Variants in LOC400499 observed in about 807,000 individuals in gnomAD.
chr16:11,452,136 G>C, the LOC400499 span, among the ~76,000 whole-genome samples: 1 of 150,696 alleles, frequency 6.6e-6, no homozygotes, highest in Non-Finnish European at 1.5e-5. Context: ...TCACTTTATA[G>C]ATCACAGTTG....
chr16:11,445,033 G>T, the LOC400499 span, among the ~76,000 whole-genome samples: 2 of 151,592 alleles, frequency 1.3e-5, no homozygotes, highest in African/African-American at 2.4e-5. Context: ...AGGCTACAGT[G>T]AGCTGAGATT....
At chr16:11,390,533 G>A in the LOC400499 span, 50 of 1,180,880 alleles carry the variant, frequency 4.2e-5, no homozygotes, top group Middle Eastern at 3.2e-4. Context: ...GCCCAGACAC[G>A]CCAGGCCTCG....
At chr16:11,385,739 G>A in the LOC400499 span, among the ~76,000 whole-genome samples, 2 of 152,356 alleles carry the variant, frequency 1.3e-5, no homozygotes, top group South Asian at 4.1e-4. Context: ...AAAATGTCCA[G>A]AGCAGGCACA....
the LOC400499 span, among the ~76,000 whole-genome samples, chr16:11,495,631 C>G: frequency 3.9e-5 from 6 of 152,182 alleles, no homozygotes; most frequent in Non-Finnish European, 5.9e-5. Flanking sequence ...CTGCCCGCCT[C>G]GGTCTCCCAA....
chr16:11,473,956 A>T, the LOC400499 span, among the ~76,000 whole-genome samples: 4 of 152,166 alleles, frequency 2.6e-5, no homozygotes, highest in African/African-American at 7.2e-5. Context: ...CCTGGGCTCA[A>T]GCGGACTTCC....
chr16:11,521,962 A>G, the LOC400499 span: 1 of 399,152 alleles, frequency 2.5e-6, no homozygotes, highest in Non-Finnish European at 4.4e-6. Context: ...CCATAAAGCC[A>G]TCTGGCACAG....
chr16:11,375,732 ATTT>A, the LOC400499 span, among the ~76,000 whole-genome samples: 3 of 130,648 alleles, frequency 2.3e-5, no homozygotes, highest in Non-Finnish European at 3.2e-5. Context: ...TCCTTTGTAC[ATTT>A]TTTTTTTTTT....
the LOC400499 span, among the ~76,000 whole-genome samples, chr16:11,471,100 C>T: frequency 2.3e-3 from 357 of 152,304 alleles, 2 homozygotes; most frequent in African/African-American, 8.2e-3. Flanking sequence ...GGGCAGTCTA[C>T]ACAGAGAAGG....
the LOC400499 span, among the ~76,000 whole-genome samples, chr16:11,422,637 T>C: frequency 6.6e-6 from 1 of 152,152 alleles, no homozygotes; most frequent in South Asian, 2.1e-4. Context: ...GAGCACCTAC[T>C]ACATGTCAGG....
At chr16:11,477,623 G>T in the LOC400499 span, among the ~76,000 whole-genome samples, 1 of 152,188 alleles carries the variant, frequency 6.6e-6, no homozygotes, top group Admixed American at 6.5e-5. Context: ...CATGTGACTG[G>T]ACCTCTCTGA....
At chr16:11,492,838 G>C in the LOC400499 span, among the ~76,000 whole-genome samples, 2 of 152,148 alleles carry the variant, frequency 1.3e-5, no homozygotes, top group Non-Finnish European at 2.9e-5. Context: ...AAATGAAATG[G>C]GGAAACAGGA....
At chr16:11,387,813 G>A in the LOC400499 span, among the ~76,000 whole-genome samples, 2 of 151,998 alleles carry the variant, frequency 1.3e-5, no homozygotes, top group Non-Finnish European at 2.9e-5. Context: ...TAGTAGAGTT[G>A]GAGTTTCACC....
At chr16:11,476,392 A>T in the LOC400499 span, among the ~76,000 whole-genome samples, 3 of 151,770 alleles carry the variant, frequency 2.0e-5, no homozygotes, top group Admixed American at 2.0e-4. Context: ...TCCAGCTCTC[A>T]CCTCTCAGCT....
chr16:11,424,394 T>C, the LOC400499 span: 1 of 399,176 alleles, frequency 2.5e-6, no homozygotes, highest in Non-Finnish European at 4.4e-6. Flanking sequence ...CAGAGACCAC[T>C]CACCCCAGTC....
At chr16:11,448,127 G>A in the LOC400499 span, 1 of 1,503,620 alleles carries the variant, frequency 6.7e-7, no homozygotes, top group Non-Finnish European at 8.8e-7. Context: ...CCAAGCTGCA[G>A]ACCTGCCTTG....
the LOC400499 span, among the ~76,000 whole-genome samples, chr16:11,426,520 C>G: frequency 6.6e-6 from 1 of 151,774 alleles, no homozygotes; most frequent in East Asian, 1.9e-4. Context: ...TGAATGTTTT[C>G]TTTGTAAGAA....
chr16:11,523,494 G>T, the LOC400499 span: 1 of 398,642 alleles, frequency 2.5e-6, no homozygotes, highest in African/African-American at 2.1e-5. Flanking sequence ...AAATCAGATG[G>T]AACCAGGGTG....
the LOC400499 span, among the ~76,000 whole-genome samples, chr16:11,489,585 G>A: frequency 2.0e-5 from 3 of 152,116 alleles, no homozygotes; most frequent in Non-Finnish European, 4.4e-5. Flanking sequence ...AGGGGCTTCT[G>A]GAACAATCTA....
At chr16:11,431,798 G>C in the LOC400499 span, among the ~76,000 whole-genome samples, 1 of 152,200 alleles carries the variant, frequency 6.6e-6, no homozygotes, top group Non-Finnish European at 1.5e-5. Context: ...ATACTCTCCT[G>C]CAAGGTGACT....
Sources: gnomAD v4.1 joint callset for allele counts (sites outside exome capture counted in the v4.1 genomes callset) on GRCh38, gnomAD v4.1.1 for gene constraint, MANE v1.5 for transcripts.